The following FMN2 variants were observed in gnomAD, a reference collection of about 807,000 sequenced individuals.
FMN2 encodes the protein formin-2.
A neutral mutation model predicts 142.3 loss-of-function variants in FMN2; 51 were observed. That is an observed-to-expected ratio of 0.36 (90% CI 0.29 to 0.45). The LOEUF (loss-of-function observed/expected upper bound fraction) is 0.45. Ranked by LOEUF, FMN2 falls within the 20% of genes least tolerant of loss-of-function variation. The pLI is 1.00. For missense variants in FMN2, 1,936 were observed against 2,122.8 expected, an observed-to-expected ratio of 0.91 and a Z score of 1.73; for synonymous variants, 882 against 869.8, an observed-to-expected ratio of 1.01 and a Z score of -0.25.
intron 15 of FMN2, among the ~76,000 whole-genome samples, chr1:240,431,155 G>T (rs1427701008): frequency 1.3e-5 from 2 of 151,498 alleles, no homozygotes; most frequent in African/African-American, 4.8e-5. Flanking sequence ...ACTTTTATTT[G>T]ATTTATTGTT....
At chr1:240,150,899 A>G (rs12743219) in intron 2 of FMN2, among the ~76,000 whole-genome samples, 69,871 of 152,054 alleles carry the variant, frequency 0.46, 17,298 homozygotes, top group South Asian at 0.65. Context: ...TACAGGCTCT[A>G]CATCCACACA....
chr1:240,383,814 C>T (rs1673309664), intron 14 of FMN2, among the ~76,000 whole-genome samples: 1 of 151,824 alleles, frequency 6.6e-6, no homozygotes, highest in African/African-American at 2.4e-5. Flanking sequence ...CAGCACTATT[C>T]TCAGTGGCAA....
At chr1:240,236,703 C>T (rs1188287177) in intron 6 of FMN2, among the ~76,000 whole-genome samples, 1 of 152,070 alleles carries the variant, frequency 6.6e-6, no homozygotes, top group Non-Finnish European at 1.5e-5. Context: ...AATCACATCT[C>T]GTGGGAACTA....
intron 15 of FMN2, among the ~76,000 whole-genome samples, chr1:240,413,380 A>G (rs1674479362): frequency 6.6e-6 from 1 of 151,930 alleles, no homozygotes; most frequent in South Asian, 2.1e-4. Flanking sequence ...GGCTCATAGG[A>G]GTGACATGAG....
chr1:240,106,930 C>T (rs978651251), intron 1 of FMN2, among the ~76,000 whole-genome samples: 12 of 151,778 alleles, frequency 7.9e-5, no homozygotes, highest in South Asian at 6.2e-4. Context: ...GTGATCTGCC[C>T]GCCTCAGCCT....
intron 15 of FMN2, among the ~76,000 whole-genome samples, chr1:240,399,722 A>G (rs1673907789): frequency 6.6e-6 from 1 of 152,154 alleles, no homozygotes; most frequent in Non-Finnish European, 1.5e-5. Flanking sequence ...TAAAGGGCAG[A>G]TGCTCCAGCT....
chr1:240,096,761 G>A (rs375057667), intron 1 of FMN2, among the ~76,000 whole-genome samples: 2 of 152,096 alleles, frequency 1.3e-5, no homozygotes, highest in African/African-American at 2.4e-5. Flanking sequence ...GCTTTTTACC[G>A]CCTTCCAAAT....
intron 10 of FMN2, 136 bp downstream of exon 10, chr1:240,329,604 A>G: frequency 8.5e-7 from 1 of 1,180,244 alleles, no homozygotes. Context: ...CACAGAAGGG[A>G]ACATTTTATG....
intron 2 of FMN2, chr1:240,143,369 A>G (rs878903980): frequency 1.4e-6 from 2 of 1,455,222 alleles, no homozygotes; most frequent in South Asian, 1.1e-5. Context: ...CCAAAGGTTC[A>G]TAGTGCCGTC....
chr1:240,409,292 C>T lies in FMN2; in HGVS notation c.4910+16730C>T, dbSNP rs975637629. On this transcript the variant is annotated intron_variant, in intron 15 of 17. Transcript: ENST00000319653. ...AAGTAGCTGGGACCGCAGGCGTACA[C>T]CACCACGCCCAGTTAATTTTTTTGT... Among the ~76,000 whole-genome samples, 9 of 152,206 alleles carry T rather than the reference C, an allele frequency of 5.9e-5. No homozygotes were observed. The South Asian group carries it at 1.7e-3, about 28-fold the overall frequency.
At chr1:240,337,248 A>G (rs112169706) in intron 13 of FMN2, among the ~76,000 whole-genome samples, 25,133 of 126,770 alleles carry the variant, frequency 0.2, 2,918 homozygotes, top group African/African-American at 0.35. Flanking sequence ...TTGCTCTGTC[A>G]CCCAGGCTGG....
At chr1:240,223,085 A>T (rs1667177918) in intron 6 of FMN2, among the ~76,000 whole-genome samples, 1 of 152,212 alleles carries the variant, frequency 6.6e-6, no homozygotes, top group Non-Finnish European at 1.5e-5. Flanking sequence ...GAATGCTTCC[A>T]TCTTCTGCCC....
chr1:240,242,113 G>A (rs919069583), intron 6 of FMN2, among the ~76,000 whole-genome samples: 1 of 152,060 alleles, frequency 6.6e-6, no homozygotes, highest in African/African-American at 2.4e-5. Context: ...CCAAAGTGCT[G>A]GGATGACAGG....
chr1:240,206,562 T>A (rs1666358746), intron 4 of FMN2, among the ~76,000 whole-genome samples: 1 of 152,172 alleles, frequency 6.6e-6, no homozygotes, highest in African/African-American at 2.4e-5. Flanking sequence ...TCCTCAATGG[T>A]ATCATTTGAA....
chr1:240,377,080 A>T (rs765946816), intron 14 of FMN2, among the ~76,000 whole-genome samples: 17 of 152,152 alleles, frequency 1.1e-4, no homozygotes, highest in Non-Finnish European at 1.9e-4. Flanking sequence ...TAAATGACAA[A>T]ATTGTATTTT....
At chr1:240,150,314 C>T (rs767087184) in intron 2 of FMN2, among the ~76,000 whole-genome samples, 26 of 152,174 alleles carry the variant, frequency 1.7e-4, no homozygotes, top group African/African-American at 4.3e-4. Flanking sequence ...ACAAATCACG[C>T]GGGTGGAAAC....
chr1:240,330,881 A>G, intron 11 of FMN2, 132 bp downstream of exon 11: 1 of 1,057,788 alleles, frequency 9.5e-7, no homozygotes, highest in Non-Finnish European at 1.3e-6. Context: ...GTTCTGAGCT[A>G]GAAAAAAGTA....
At chr1:240,327,679 A>C (rs1179704107) in intron 8 of FMN2, among the ~76,000 whole-genome samples, 1 of 152,166 alleles carries the variant, frequency 6.6e-6, no homozygotes, top group East Asian at 1.9e-4. Context: ...AAATAAAGAC[A>C]GATTTGTGCT....
intron 16 of FMN2, among the ~76,000 whole-genome samples, chr1:240,452,493 A>G (rs1279738521): frequency 6.6e-6 from 1 of 152,120 alleles, no homozygotes; most frequent in East Asian, 1.9e-4. Context: ...TATCAGAAAT[A>G]AAAGTGTATT....
Sources: allele counts gnomAD v4.1 joint callset (sites outside exome capture counted in the v4.1 genomes callset), GRCh38; gene constraint gnomAD v4.1.1; transcripts MANE v1.5; gene names NCBI Gene and HGNC (gene_info 2026-07-23, HGNC 2026-07-21).